SORCS1: variants seen among roughly 807,000 people sequenced by gnomAD.
SORCS1 encodes the protein VPS10 domain-containing receptor SorCS1.
SORCS1 carries 60 observed loss-of-function variants against 146.1 expected under a neutral mutation model. That is an observed-to-expected ratio of 0.41 (90% CI 0.33 to 0.51). The LOEUF (loss-of-function observed/expected upper bound fraction) is 0.51. SORCS1 is among the 20% of genes least tolerant of loss of function. The pLI, the probability that SORCS1 is intolerant of heterozygous loss-of-function variation, is 0.21. For missense variants in SORCS1, 1,352 were observed against 1,487.6 expected (o/e 0.91, Z 1.50); for synonymous variants, 637 against 584.0 (o/e 1.09, Z -1.31).
chr10:106,676,648 CTG>C (rs1852050447), intron 13 of SORCS1, among the ~76,000 whole-genome samples: 1 of 152,152 alleles, frequency 6.6e-6, no homozygotes, highest in African/African-American at 2.4e-5. Flanking sequence ...CTCTCTCTGT[CTG>C]TGTCTCTCTC....
intron 1 of SORCS1, among the ~76,000 whole-genome samples, chr10:107,141,126 T>C (rs919267204): frequency 1.3e-5 from 2 of 152,120 alleles, no homozygotes; most frequent in Admixed American, 6.5e-5. Flanking sequence ...AAGCGACCCA[T>C]GTTAACTACA....
intron 9 of SORCS1, among the ~76,000 whole-genome samples, chr10:106,695,270 G>C (rs77520378): frequency 1.3e-5 from 2 of 152,086 alleles, no homozygotes; most frequent in African/African-American, 2.4e-5. Context: ...GATAGGTCTC[G>C]GGCAATCAAA....
upstream of SORCS1, among the ~76,000 whole-genome samples, chr10:107,169,282 T>C (rs1291626935): frequency 6.6e-6 from 1 of 152,166 alleles, no homozygotes; most frequent in Non-Finnish European, 1.5e-5. Flanking sequence ...GCATTTCAGA[T>C]CAATTTCATG....
intron 12 of SORCS1, among the ~76,000 whole-genome samples, chr10:106,678,541 A>G (rs561588794): frequency 1.3e-5 from 2 of 152,330 alleles, no homozygotes; most frequent in East Asian, 1.9e-4. Flanking sequence ...TAGTTATTGT[A>G]TGATAATTAA....
At chr10:107,107,199 A>C (rs1343068236) in intron 1 of SORCS1, among the ~76,000 whole-genome samples, 1 of 152,228 alleles carries the variant, frequency 6.6e-6, no homozygotes, top group African/African-American at 2.4e-5. Flanking sequence ...ACATTGCTGT[A>C]AAGAACCTTT....
intron 24 of SORCS1, among the ~76,000 whole-genome samples, chr10:106,589,721 GCTCCACCTCCCAGGT>G (rs1845486654): frequency 1.6e-5 from 2 of 123,884 alleles, no homozygotes; most frequent in Non-Finnish European, 3.3e-5. Context: ...AAAAAAACAA[GCTCCACCTCCCAGGT>G]CTCCATCTCG....
At chr10:106,793,321 G>A (rs185205939) in intron 3 of SORCS1, among the ~76,000 whole-genome samples, 49 of 152,288 alleles carry the variant, frequency 3.2e-4, no homozygotes, top group Admixed American at 9.2e-4. Flanking sequence ...AGAGGAATGC[G>A]GGCATGCATT....
At chr10:106,981,000 A>AG (rs1956226987) in intron 1 of SORCS1, among the ~76,000 whole-genome samples, 1 of 152,154 alleles carries the variant, frequency 6.6e-6, no homozygotes, top group Non-Finnish European at 1.5e-5. Context: ...GGAAAAAAAA[A>AG]AACAACTGGG....
intron 3 of SORCS1, among the ~76,000 whole-genome samples, chr10:106,823,104 T>A (rs533758975): frequency 6.6e-6 from 1 of 152,258 alleles, no homozygotes; most frequent in South Asian, 2.1e-4. Flanking sequence ...GAATGAAACA[T>A]ACATCCTTGT....
intron 1 of SORCS1, among the ~76,000 whole-genome samples, chr10:107,014,958 A>G (rs901999948): frequency 1.3e-5 from 2 of 152,184 alleles, no homozygotes; most frequent in African/African-American, 4.8e-5. Flanking sequence ...CTTCCCTTGC[A>G]ACTACTAAGA....
intron 1 of SORCS1, among the ~76,000 whole-genome samples, chr10:107,038,402 G>T (rs1017912123): frequency 1.4e-5 from 2 of 142,192 alleles, no homozygotes; most frequent in East Asian, 2.5e-4. Context: ...GGGGTGGGTG[G>T]GGGGGGAGAG....
At chr10:106,637,011 A>C (rs1213326848) in intron 18 of SORCS1, among the ~76,000 whole-genome samples, 1 of 152,262 alleles carries the variant, frequency 6.6e-6, no homozygotes, top group East Asian at 1.9e-4. Context: ...ATCCCAGTGT[A>C]ATATGCCAGG....
intron 1 of SORCS1, among the ~76,000 whole-genome samples, chr10:107,020,454 T>C (rs1464948158): frequency 3.9e-5 from 6 of 152,244 alleles, no homozygotes; most frequent in Admixed American, 1.3e-4. Flanking sequence ...TTTGTTCGTA[T>C]AGATGTTAGC....
chr10:106,933,407 C>T (rs1483231030), intron 2 of SORCS1, among the ~76,000 whole-genome samples: 1 of 152,268 alleles, frequency 6.6e-6, no homozygotes, highest in Non-Finnish European at 1.5e-5. Flanking sequence ...TTGACAGCCA[C>T]TGAGTATAAA....
intron 3 of SORCS1, among the ~76,000 whole-genome samples, chr10:106,822,916 G>A (rs1243246376): frequency 2.0e-5 from 3 of 150,982 alleles, no homozygotes; most frequent in Non-Finnish European, 4.4e-5. Flanking sequence ...AAGTAGCTGG[G>A]ATTACAGGCA....
intron 7 of SORCS1, among the ~76,000 whole-genome samples, chr10:106,707,539 G>A (rs1854620755): frequency 6.6e-6 from 1 of 151,998 alleles, no homozygotes; most frequent in East Asian, 1.9e-4. Flanking sequence ...TCACTCTATT[G>A]CCCAGGGCTA....
intron 5 of SORCS1, among the ~76,000 whole-genome samples, chr10:106,760,563 A>C (rs1859016479): frequency 6.6e-6 from 1 of 151,878 alleles, no homozygotes; most frequent in African/African-American, 2.4e-5. Context: ...GCAGGAACCA[A>C]ATCTGCCGGC....
chr10:106,891,850 T>C (rs1951250169), intron 2 of SORCS1, among the ~76,000 whole-genome samples: 1 of 152,160 alleles, frequency 6.6e-6, no homozygotes, highest in African/African-American at 2.4e-5. Context: ...GTTTTGACAA[T>C]CTACTCCCAT....
intron 1 of SORCS1, among the ~76,000 whole-genome samples, chr10:107,073,255 C>T (rs1479206555): frequency 1.3e-5 from 2 of 152,092 alleles, no homozygotes; most frequent in East Asian, 1.9e-4. Context: ...GGAGCATTTC[C>T]GCTGACTTTT....
Sources: allele counts gnomAD v4.1 joint callset (sites outside exome capture counted in the v4.1 genomes callset), GRCh38; gene constraint gnomAD v4.1.1; transcripts MANE v1.5; gene names NCBI Gene and HGNC (gene_info 2026-07-23, HGNC 2026-07-21).